Variants in THTPA observed in about 807,000 individuals in gnomAD.
THTPA encodes thiamine triphosphatase, also known as thiamine-triphosphatase.
Under a neutral mutation model 16.5 loss-of-function variants are expected in THTPA, and 16 were observed. The observed-to-expected ratio is 0.97, with a 90% CI of 0.66 to 1.47. The LOEUF (loss-of-function observed/expected upper bound fraction) is 1.47, where lower values mean the gene tolerates loss of function less well. THTPA is among the 40% of genes most tolerant of loss of function. The probability of loss-of-function intolerance (pLI) is 0.00; values close to 1 mark genes in which losing one functional copy is unlikely to be tolerated. For missense variants in THTPA, 281 were observed against 280.9 expected (o/e 1.00, Z 0.00); for synonymous variants, 110 against 115.5 (o/e 0.95, Z 0.30).
At chr14:23,549,104 T>C in the THTPA span, among the ~76,000 whole-genome samples, 1 of 152,182 alleles carries the variant, frequency 6.6e-6, no homozygotes, top group Non-Finnish European at 1.5e-5. Flanking sequence ...TAGTGCTTTT[T>C]CTGTTGACCT....
At chr14:23,522,030 C>T in the THTPA span, 1 of 1,536,402 alleles carries the variant, frequency 6.5e-7, no homozygotes, top group Non-Finnish European at 8.7e-7. Context: ...AATCTTGCTT[C>T]CTCTTTGGCA....
At chr14:23,549,350 A>G in the THTPA span, among the ~76,000 whole-genome samples, 1 of 152,040 alleles carries the variant, frequency 6.6e-6, no homozygotes, top group Non-Finnish European at 1.5e-5. Context: ...CACCTCTGAA[A>G]TCGTCCATCT....
At position 23,556,717 on chromosome 14, in the gene THTPA, T is replaced by G; in HGVS notation, c.-41T>G. The stretch of plus-strand genomic sequence containing the variant: ...AGCTGAGCACCAGGCTTTGCATCCT[T>G]GGGAACTCAGCAAACGTTTGTTCAG... On this transcript the variant is annotated 5_prime_UTR_variant, in exon 1 of 2. Transcript: ENST00000288014. 1.3e-6 allele frequency: 2 copies of G among 1,584,590 alleles called. No homozygotes were observed. The highest frequency in any genetic ancestry group is 2.7e-5 in the African/African-American group (2 of 74,556).
chr14:23,558,574 C>A, intron 1 of THTPA, 121 bp from the exon 2 acceptor site: 1 of 1,305,104 alleles, frequency 7.7e-7, no homozygotes, highest in Non-Finnish European at 1.1e-6. Context: ...GGGTGGGTGA[C>A]ATTCAGAACC....
chr14:23,547,269 CGTT>C, the THTPA span, among the ~76,000 whole-genome samples: 1 of 152,208 alleles, frequency 6.6e-6, no homozygotes. Context: ...ATGCTGCCTT[CGTT>C]GTATTAATAA....
Position 23,560,108 on chromosome 14 carries a change from G to A in THTPA, c.*1268G>A. 7.1e-7 allele frequency: 1 copy of A among 1,408,132 alleles called. No homozygotes were observed. The allele number at this position is 1,408,132 out of a possible 1,614,324, so 87.2% of individuals were successfully genotyped here. A position where few individuals can be genotyped will look rare whatever the true frequency, so the allele number is the denominator to read the frequency against. On this transcript the variant is annotated 3_prime_UTR_variant, in exon 2 of 2. Coordinates refer to ENST00000288014, the MANE Select transcript of THTPA (RefSeq NM_024328.6). ...TCAGGCAGCCCCTCTATACTCAGTG[G>A]CTCCACACCCTTTTCCTGTAACTCC...
the THTPA span, chr14:23,526,795 C>A: frequency 6.6e-7 from 1 of 1,523,652 alleles, no homozygotes; most frequent in Non-Finnish European, 8.8e-7. Context: ...CTTGTTGGCC[C>A]ATGGAGTCCC....
the THTPA span, among the ~76,000 whole-genome samples, chr14:23,520,190 A>G: frequency 6.6e-6 from 1 of 151,966 alleles, no homozygotes; most frequent in African/African-American, 2.4e-5. The surrounding 1 kb of genome is among the most constrained non-coding windows in gnomAD (Gnocchi z 8.7). Flanking sequence ...TGCCCACCCC[A>G]TCCCCTCAAT....
chr14:23,525,919 G>A, the THTPA span: 7 of 1,474,626 alleles, frequency 4.7e-6, no homozygotes, highest in Non-Finnish European at 6.3e-6. This position sits in a 1 kb window ranked among gnomAD's most constrained non-coding sequence, Gnocchi z 5.9. Context: ...GGACTGGTGG[G>A]GTGAAGAGAG....
chr14:23,530,166 C>T, the THTPA span: 1 of 1,535,914 alleles, frequency 6.5e-7, no homozygotes, highest in Non-Finnish European at 8.7e-7. Context: ...GGGTGGGTGG[C>T]TCAGCTAAGG....
chr14:23,527,860 T>C, the THTPA span: 1 of 1,376,060 alleles, frequency 7.3e-7, no homozygotes, highest in Non-Finnish European at 9.8e-7. Flanking sequence ...GGACCCACCA[T>C]CACATAGTCC....
At chr14:23,537,394 G>A in the THTPA span, among the ~76,000 whole-genome samples, 1 of 152,148 alleles carries the variant, frequency 6.6e-6, no homozygotes, top group African/African-American at 2.4e-5. Context: ...AGGCCAGAGT[G>A]CTTCGTGTAA....
chr14:23,544,242 G>A, the THTPA span: 1 of 147,220 alleles, frequency 6.8e-6, no homozygotes, highest in African/African-American at 2.5e-5. Context: ...GTGACAGAGT[G>A]AGACCCTGTC....
At chr14:23,545,916 A>G in the THTPA span, among the ~76,000 whole-genome samples, 1 of 152,232 alleles carries the variant, frequency 6.6e-6, no homozygotes, top group Non-Finnish European at 1.5e-5. Context: ...CCTCGGGGAA[A>G]CACAATCTAA....
In THTPA at chr14:23,560,060, C is replaced by T. The variant is rs1225265991; in HGVS notation, c.*1220C>T. 7 of 1,523,646 alleles carry T rather than the reference C, an allele frequency of 4.6e-6. No individual in the cohort carries two copies. The highest frequency in any genetic ancestry group is 1.4e-5 in the African/African-American group (1 of 73,016). The allele number at this position is 1,523,646 out of a possible 1,614,324, so 94.4% of individuals were successfully genotyped here. A position where few individuals can be genotyped will look rare whatever the true frequency, so the allele number is the denominator to read the frequency against. On this transcript the variant is annotated 3_prime_UTR_variant, in exon 2 of 2. Transcript: ENST00000288014. ...CTCTGAACACAGGAGTTTAACAGAG[C>T]ACAGTATGGCAGTAGGTAGGGCTCA...
the THTPA span, among the ~76,000 whole-genome samples, chr14:23,544,707 G>C: frequency 6.6e-6 from 1 of 152,118 alleles, no homozygotes. Context: ...GTGTGATCTC[G>C]TTACACTCTC....
At chr14:23,517,756 G>A in the THTPA span, among the ~76,000 whole-genome samples, 166 of 152,048 alleles carry the variant, frequency 1.1e-3, 1 homozygote, top group Non-Finnish European at 2.0e-3. Flanking sequence ...AACCATGTGC[G>A]TGCCCCCACT....
the THTPA span, among the ~76,000 whole-genome samples, chr14:23,544,729 T>A: frequency 6.6e-6 from 1 of 152,248 alleles, no homozygotes; most frequent in Non-Finnish European, 1.5e-5. Context: ...CTGCCTCTAA[T>A]GGCGCTAACC....
chr14:23,559,679 T>G lies in THTPA; in HGVS notation c.*839T>G. ...GCCACCTGCTGGTAGCCCTCAGGTG[T>G]AGGTTCGAAGCTGCTGGGGCCCCCT... On this transcript the variant is annotated 3_prime_UTR_variant, in exon 2 of 2. Transcript: ENST00000288014. The G allele has an allele frequency of 1.4e-6, 2 of 1,418,238 alleles. No individual in the cohort carries two copies. The highest frequency in any genetic ancestry group is 2.0e-6 in the Non-Finnish European group (2 of 1,013,366). The allele number at this position is 1,418,238 out of a possible 1,614,324, so 87.9% of individuals were successfully genotyped here. A position where few individuals can be genotyped will look rare whatever the true frequency, so the allele number is the denominator to read the frequency against.
Sources: gnomAD v4.1 joint callset for allele counts (sites outside exome capture counted in the v4.1 genomes callset) on GRCh38, gnomAD v4.1.1 for gene constraint, Gnocchi (gnomAD v3.1) non-coding constraint, MANE v1.5 for transcripts, NCBI Gene and HGNC (gene_info 2026-07-23, HGNC 2026-07-21) for gene names.